Variants in CLASP1 observed in about 807,000 individuals in gnomAD.
CLASP1 encodes the protein CLIP-associating protein 1.
CLASP1 carries 38 observed loss-of-function variants against 192.3 expected under a neutral mutation model. The ratio of observed to expected loss-of-function variants is 0.20; its 90% confidence interval spans 0.15 to 0.26. CLASP1 has a LOEUF of 0.26. Among genes scored for constraint, CLASP1 ranks in the 10% least tolerant of loss-of-function variants. The pLI, the probability that CLASP1 is intolerant of heterozygous loss-of-function variation, is 1.00. For synonymous variants in CLASP1, 691 were observed against 712.8 expected (o/e 0.97, Z 0.49); for missense variants, 1,433 against 1,932.5 (o/e 0.74, Z 4.85).
chr2:121,366,083 C>T (rs1172866363), intron 35 of CLASP1, among the ~76,000 whole-genome samples: 1 of 152,188 alleles, frequency 6.6e-6, no homozygotes, highest in Non-Finnish European at 1.5e-5. Flanking sequence ...GGGTAGCAAA[C>T]ACACAAGAAA....
At chr2:121,425,236 T>C (rs1310699375) in exon 22 of CLASP1, 1 of 1,613,620 alleles carries the variant, frequency 6.2e-7, no homozygotes, top group African/African-American at 1.3e-5. Flanking sequence ...GTGGGCCTCG[T>C]GAGGAGCCCC....
At chr2:121,536,237 C>T (rs560902356) in intron 2 of CLASP1, among the ~76,000 whole-genome samples, 4 of 151,424 alleles carry the variant, frequency 2.6e-5, no homozygotes, top group African/African-American at 7.3e-5. Context: ...AAAAATTAGC[C>T]GGGCGTTGTG....
rs1168844376 is a variant in CLASP1, at chr2:121,412,418, T to C, written c.2321-1449A>G. 2.0e-5 allele frequency among the ~76,000 whole-genome samples: 3 copies of C among 152,082 alleles called. No individual in the cohort carries two copies. In the East Asian group the frequency reaches 5.8e-4, roughly 29 times the overall value. ...TATATCAGTTGAAATATGAAACAAG[T>C]GTAAATGTGAGATTTACTATGCACA... On this transcript the variant is annotated intron_variant, in intron 23 of 39. Transcript: ENST00000263710.
intron 1 of CLASP1, among the ~76,000 whole-genome samples, chr2:121,632,962 G>A (rs2070019124): frequency 7.4e-6 from 1 of 134,870 alleles, no homozygotes; most frequent in African/African-American, 3.4e-5. Flanking sequence ...AAAAACAGAG[G>A]GAGGTGTGTG....
At chr2:121,533,343 A>G (rs1173118698) in intron 2 of CLASP1, among the ~76,000 whole-genome samples, 1 of 152,210 alleles carries the variant, frequency 6.6e-6, no homozygotes, top group East Asian at 1.9e-4. Context: ...AAAGGGATAC[A>G]TGAAAAAGTC....
At chr2:121,507,241 A>G (rs2093971710) in intron 7 of CLASP1, among the ~76,000 whole-genome samples, 1 of 152,214 alleles carries the variant, frequency 6.6e-6, no homozygotes, top group South Asian at 2.1e-4. Flanking sequence ...CAACAAACAG[A>G]AAGAATATAT....
intron 2 of CLASP1, among the ~76,000 whole-genome samples, chr2:121,534,038 C>T (rs2094970821): frequency 6.6e-6 from 1 of 152,234 alleles, no homozygotes; most frequent in South Asian, 2.1e-4. Context: ...CATAAAAGGA[C>T]ACCTGCAGCA....
rs570178978 is a variant in CLASP1, at chr2:121,450,279, C to T, written c.1523+634G>A. On this transcript the variant is annotated intron_variant, in intron 16 of 39. Transcript: ENST00000263710. ...CTGGGAGGTGGAGCTTGCAGTGAGC[C>T]GAGATTGCACCACTGCACTCCAGCC... is the stretch of plus-strand genomic sequence containing the variant. Among the ~76,000 whole-genome samples, 36 of 151,134 alleles carry T rather than the reference C, an allele frequency of 2.4e-4. No homozygotes were observed. In the South Asian group the frequency reaches 3.2e-3, roughly 13 times the overall value.
chr2:121,560,773 C>T (rs1216593281), intron 2 of CLASP1, among the ~76,000 whole-genome samples: 1 of 152,176 alleles, frequency 6.6e-6, no homozygotes, highest in Non-Finnish European at 1.5e-5. Flanking sequence ...TTTTTGTTTT[C>T]GCCCAAGCTA....
intron 1 of CLASP1, among the ~76,000 whole-genome samples, chr2:121,607,102 G>A (rs2707641): frequency 0.039 from 5,977 of 151,494 alleles, 195 homozygotes; most frequent in African/African-American, 0.084. Context: ...AGCACTTTGG[G>A]AGGCCGAGGT....
chr2:121,401,754 T>TA, intron 27 of CLASP1, 82 bp from the exon 29 acceptor site: 1 of 1,218,874 alleles, frequency 8.2e-7, no homozygotes, highest in African/African-American at 1.5e-5. Context: ...AAAATGCCCA[T>TA]ACGTGCTTTG....
intron 1 of CLASP1, among the ~76,000 whole-genome samples, chr2:121,609,527 T>C (rs2064916332): frequency 6.6e-6 from 1 of 152,196 alleles, no homozygotes; most frequent in African/African-American, 2.4e-5. Flanking sequence ...CATGTTTTTG[T>C]GTGTTTTCTA....
rs115456592 is a variant in CLASP1 at position 121,356,679 on chromosome 2, T to C, written c.4206+6493A>G. On this transcript the variant is annotated intron_variant, in intron 37 of 39. Coordinates refer to ENST00000263710, the Ensembl canonical transcript of CLASP1. ...CTGATGAGTCTTTTCCCCTGAAAAA[T>C]GTGCATGCACAAAATTCCAGGAAGC... Among the ~76,000 whole-genome samples the C allele has an allele frequency of 4.5e-3, 690 of 152,336 alleles. 7 individuals carry two copies. Among genetic ancestry groups the C allele is most frequent in the African/African-American group, 0.016 (665 of 41,572 alleles).
At chr2:121,413,032 T>C (rs1306308511) in intron 23 of CLASP1, among the ~76,000 whole-genome samples, 1 of 152,102 alleles carries the variant, frequency 6.6e-6, no homozygotes, top group Non-Finnish European at 1.5e-5. Context: ...CCAAGGTGGG[T>C]AAATCGCTTG....
chr2:121,551,571 T>C (rs1274025076), intron 2 of CLASP1, among the ~76,000 whole-genome samples: 3 of 151,298 alleles, frequency 2.0e-5, no homozygotes, highest in Non-Finnish European at 4.4e-5. Context: ...AAGCAGAGAG[T>C]CAAGTCATGA....
Position 121,478,914 on chromosome 2 carries a change from C to CCA in CLASP1, c.713-8956_713-8955dup, listed in dbSNP as rs570749808. Among the ~76,000 whole-genome samples the CCA allele has an allele frequency of 2.1e-3, 135 of 63,392 alleles. 3 individuals carry two copies. Among genetic ancestry groups the CCA allele is most frequent in the African/African-American group, 8.5e-3 (125 of 14,790 alleles). The allele number at this position is 63,392 out of a possible 152,430, so 41.6% of individuals were successfully genotyped here. A position where few individuals can be genotyped will look rare whatever the true frequency, so the allele number is the denominator to read the frequency against. ...ACACACACACACCACACCACACACA[C>CCA]CACACACACACCACACAACACCCCC... On this transcript the variant is annotated intron_variant, in intron 8 of 39. Transcript: ENST00000263710.
intron 25 of CLASP1, among the ~76,000 whole-genome samples, chr2:121,405,584 G>A (rs943603140): frequency 2.0e-5 from 3 of 152,142 alleles, no homozygotes; most frequent in Non-Finnish European, 4.4e-5. Flanking sequence ...GCCCTCTTAC[G>A]TGGATGAGAC....
At chr2:121,546,853 C>G (rs1472468150) in intron 2 of CLASP1, among the ~76,000 whole-genome samples, 1 of 152,180 alleles carries the variant, frequency 6.6e-6, no homozygotes, top group African/African-American at 2.4e-5. Flanking sequence ...GGTCAGACTG[C>G]TGTTTTAAGC....
At chr2:121,408,990 T>A in intron 24 of CLASP1, 1 of 1,534,782 alleles carries the variant, frequency 6.5e-7, no homozygotes, top group Non-Finnish European at 8.8e-7. Context: ...ACAGGAGAAA[T>A]AAAGTTGTAA....
Sources: gnomAD v4.1 joint callset for allele counts (sites outside exome capture counted in the v4.1 genomes callset) on GRCh38, gnomAD v4.1.1 for gene constraint, MANE v1.5 for transcripts, NCBI Gene and HGNC (gene_info 2026-07-23, HGNC 2026-07-21) for gene names.